PAPSS1: variants seen among roughly 807,000 people sequenced by gnomAD.
The protein encoded by PAPSS1 is 3'-phosphoadenosine 5'-phosphosulfate synthase 1.
PAPSS1 carries 50 observed loss-of-function variants against 72.0 expected under a neutral mutation model. The ratio of observed to expected loss-of-function variants is 0.69; its 90% CI spans 0.55 to 0.88. PAPSS1 has a LOEUF of 0.88. Among genes scored for constraint, PAPSS1 ranks in the 40% least tolerant of loss-of-function variants. PAPSS1 has a pLI of 0.00. For synonymous variants in PAPSS1, 261 were observed against 263.6 expected, an observed-to-expected ratio of 0.99 and a Z score of 0.09; for missense variants, 657 against 782.2, an observed-to-expected ratio of 0.84 and a Z score of 1.91.
At chr4:107,634,944 C>T (rs1473152458) in intron 10 of PAPSS1, among the ~76,000 whole-genome samples, 4 of 151,108 alleles carry the variant, frequency 2.6e-5, no homozygotes, top group African/African-American at 9.7e-5. Context: ...ACTACAGGCG[C>T]CCGCTACCAC....
intron 3 of PAPSS1, among the ~76,000 whole-genome samples, chr4:107,691,470 C>T (rs1320995789): frequency 6.6e-6 from 1 of 152,148 alleles, no homozygotes; most frequent in Non-Finnish European, 1.5e-5. Flanking sequence ...TATACTAACT[C>T]GCTTATTCAC....
intron 5 of PAPSS1, among the ~76,000 whole-genome samples, chr4:107,666,785 A>G (rs1263585579): frequency 6.6e-6 from 1 of 152,254 alleles, no homozygotes; most frequent in African/African-American, 2.4e-5. Context: ...CCATGAAGAC[A>G]GTGCTTTTCA....
At chr4:107,653,995 C>T (rs553772592) in intron 8 of PAPSS1, among the ~76,000 whole-genome samples, 51 of 152,320 alleles carry the variant, frequency 3.3e-4, no homozygotes, top group African/African-American at 1.2e-3. Context: ...AATTAATGAT[C>T]ATCGAGTTCG....
At chr4:107,632,047 A>G (rs1726237876) in intron 10 of PAPSS1, among the ~76,000 whole-genome samples, 187 bp from the exon 11 acceptor site, 1 of 152,132 alleles carries the variant, frequency 6.6e-6, no homozygotes, top group Non-Finnish European at 1.5e-5. Flanking sequence ...CCCCCAAACC[A>G]AAAGATTAAA....
intron 1 of PAPSS1, among the ~76,000 whole-genome samples, chr4:107,716,910 C>T (rs549892665): frequency 6.6e-6 from 1 of 152,280 alleles, no homozygotes; most frequent in East Asian, 1.9e-4. Flanking sequence ...GAGCTATTAT[C>T]CAAAGCTTAG....
At chr4:107,618,148 A>G (rs1725870633) in intron 11 of PAPSS1, among the ~76,000 whole-genome samples, 1 of 152,196 alleles carries the variant, frequency 6.6e-6, no homozygotes, top group Non-Finnish European at 1.5e-5. Flanking sequence ...ACATTTGTCA[A>G]AAAGGTAGAA....
chr4:107,685,146 C>A (rs1177765604), intron 4 of PAPSS1, among the ~76,000 whole-genome samples: 1 of 152,186 alleles, frequency 6.6e-6, no homozygotes, highest in Non-Finnish European at 1.5e-5. Flanking sequence ...AAATATTTTA[C>A]AAGAGTTCAA....
intron 1 of PAPSS1, among the ~76,000 whole-genome samples, chr4:107,712,346 CATTA>C (rs1183541405): frequency 6.6e-6 from 1 of 152,130 alleles, no homozygotes; most frequent in Non-Finnish European, 1.5e-5. Flanking sequence ...ATAAAGAAAT[CATTA>C]ATCTGTAACA....
chr4:107,676,148 A>G (rs1471362632), intron 5 of PAPSS1, among the ~76,000 whole-genome samples: 2 of 151,918 alleles, frequency 1.3e-5, no homozygotes, highest in South Asian at 2.1e-4. Context: ...CTCTCTCACC[A>G]CTCCTATTCA....
intron 11 of PAPSS1, among the ~76,000 whole-genome samples, chr4:107,628,082 C>T (rs1374586755): frequency 1.3e-5 from 2 of 152,112 alleles, no homozygotes; most frequent in Admixed American, 6.5e-5. Context: ...AGAATATCTT[C>T]CGTCTTGAAT....
rs930566488 is a variant in PAPSS1, at chr4:107,649,554, G to A, written c.1237+3937C>T. ...TTCCTGCTGGGAGCTGACTGACACA[G>A]GTTCCCTCACCCAATCTCAGCTCTC... On this transcript the variant is annotated intron_variant, in intron 9 of 11. Transcript: ENST00000265174. 3.9e-5 allele frequency among the ~76,000 whole-genome samples: 6 copies of A among 152,164 alleles called. No individual in the cohort carries two copies. The East Asian group carries it at 1.2e-3, about 29-fold the overall frequency.
chr4:107,620,135 T>C (rs908539659), intron 11 of PAPSS1, among the ~76,000 whole-genome samples: 1 of 152,240 alleles, frequency 6.6e-6, no homozygotes, highest in African/African-American at 2.4e-5. Flanking sequence ...AAGGTTCATA[T>C]TCGATTAGAC....
In PAPSS1 at chr4:107,643,391, T is replaced by A. The variant is rs527679346; in HGVS notation, c.1506+1411A>T. Among the ~76,000 whole-genome samples, 6 of 152,278 alleles carry A rather than the reference T, an allele frequency of 3.9e-5. No individual in the cohort carries two copies. In the South Asian group the frequency reaches 1.2e-3, roughly 32 times the overall value. ...ACGGAGGTATAATGCCTATTTCCCA[T>A]GCAACTTTGGACATCTCTGAAGGGC... On this transcript the variant is annotated intron_variant, in intron 10 of 11. Transcript: ENST00000265174.
At chr4:107,614,598 T>C (rs1438606559) in intron 11 of PAPSS1, among the ~76,000 whole-genome samples, 2 of 152,038 alleles carry the variant, frequency 1.3e-5, no homozygotes, top group South Asian at 4.2e-4. Context: ...AAAAAATTAG[T>C]TTTGAAATTT....
chr4:107,701,107 C>A, intron 2 of PAPSS1, 64 bp downstream of exon 2: 2 of 979,244 alleles, frequency 2.0e-6, no homozygotes, highest in Non-Finnish European at 3.2e-6. Context: ...ATGCTTACGC[C>A]TAGTCCAAGG....
chr4:107,636,271 A>T (rs1451687352), intron 10 of PAPSS1, among the ~76,000 whole-genome samples: 1 of 152,208 alleles, frequency 6.6e-6, no homozygotes, highest in Non-Finnish European at 1.5e-5. Context: ...AACAGCAGGG[A>T]ACTGTGCCAT....
intron 5 of PAPSS1, among the ~76,000 whole-genome samples, chr4:107,671,686 CCA>C (rs774024860): frequency 6.6e-6 from 1 of 152,146 alleles, no homozygotes; most frequent in Non-Finnish European, 1.5e-5. Flanking sequence ...ACACCAAAAT[CCA>C]CAGACGCTCA....
chr4:107,714,995 A>C (rs1723598566), intron 1 of PAPSS1, among the ~76,000 whole-genome samples: 1 of 152,196 alleles, frequency 6.6e-6, no homozygotes, highest in South Asian at 2.1e-4. Flanking sequence ...AACAGAGTAA[A>C]AATACCTGAA....
chr4:107,683,326 T>G (rs989145886), intron 4 of PAPSS1, among the ~76,000 whole-genome samples: 2 of 150,936 alleles, frequency 1.3e-5, no homozygotes, highest in Non-Finnish European at 2.9e-5. Context: ...GCGTTACCGG[T>G]ATTCCCATTT....
Sources: allele counts gnomAD v4.1 joint callset (sites outside exome capture counted in the v4.1 genomes callset), GRCh38; gene constraint gnomAD v4.1.1; transcripts MANE v1.5; gene names NCBI Gene and HGNC (gene_info 2026-07-23, HGNC 2026-07-21).